Variants in ULK4 observed in about 807,000 individuals in gnomAD.
The protein encoded by ULK4 is unc-51 like kinase 4.
Under a neutral mutation model 160.6 loss-of-function variants are expected in ULK4, and 133 were observed. The ratio of observed to expected loss-of-function variants is 0.83; its 90% confidence interval spans 0.72 to 0.96. ULK4 has a LOEUF of 0.96. ULK4 is among the 40% of genes least tolerant of loss of function. The probability of loss-of-function intolerance (pLI) is 0.00; values close to 1 mark genes in which losing one functional copy is unlikely to be tolerated. For synonymous variants in ULK4, 534 were observed against 539.8 expected (o/e 0.99, Z 0.15); for missense variants, 1,580 against 1,499.5 (o/e 1.05, Z -0.89).
intron 32 of ULK4, among the ~76,000 whole-genome samples, chr3:41,495,314 A>T (rs1324615468): frequency 1.3e-5 from 2 of 152,078 alleles, no homozygotes; most frequent in Non-Finnish European, 2.9e-5. Context: ...CCTGACAAAA[A>T]CAAGCAATGG....
At chr3:41,443,149 A>C (rs57455522) in intron 34 of ULK4, among the ~76,000 whole-genome samples, 30,171 of 152,002 alleles carry the variant, frequency 0.2, 3,429 homozygotes, top group East Asian at 0.55. Flanking sequence ...ATTTATGCAG[A>C]TAAGTTCATT....
chr3:41,803,794 G>C (rs2125609316), intron 19 of ULK4, among the ~76,000 whole-genome samples: 1 of 152,190 alleles, frequency 6.6e-6, no homozygotes, highest in Admixed American at 6.5e-5. Flanking sequence ...TTTCATCCAT[G>C]TCCCTACAAA....
intron 32 of ULK4, among the ~76,000 whole-genome samples, chr3:41,463,586 C>T (rs182624562): frequency 1.1e-4 from 17 of 152,328 alleles, no homozygotes; most frequent in Admixed American, 9.2e-4. Flanking sequence ...CAACTGTCCC[C>T]AGATTCTTGT....
intron 21 of ULK4, among the ~76,000 whole-genome samples, chr3:41,771,988 T>C (rs1487219068): frequency 2.6e-5 from 4 of 152,146 alleles, no homozygotes; most frequent in Non-Finnish European, 5.9e-5. Flanking sequence ...CCTCCGTCTA[T>C]CCTCAGAAGC....
At chr3:41,276,382 C>T (rs2079228547) in intron 35 of ULK4, among the ~76,000 whole-genome samples, 1 of 152,178 alleles carries the variant, frequency 6.6e-6, no homozygotes, top group South Asian at 2.1e-4. Flanking sequence ...CTCAATTTGT[C>T]CCATGACTCA....
intron 17 of ULK4, among the ~76,000 whole-genome samples, chr3:41,851,406 CT>C (rs1187128121): frequency 3.9e-5 from 6 of 152,284 alleles, no homozygotes; most frequent in Non-Finnish European, 1.5e-5. Context: ...TTGAACCAGC[CT>C]TGCATCCCAG....
At chr3:41,298,697 C>CCTAAATATGCATATTTAGGGGAT (rs2079721878) in intron 35 of ULK4, among the ~76,000 whole-genome samples, 1 of 152,110 alleles carries the variant, frequency 6.6e-6, no homozygotes, top group Non-Finnish European at 1.5e-5. Flanking sequence ...TTTAGGGGAT[C>CCTAAATATGCATATTTAGGGGAT]CTCAAGTCAT....
intron 7 of ULK4, among the ~76,000 whole-genome samples, chr3:41,918,242 T>C (rs1799650): frequency 0.028 from 4,304 of 152,266 alleles, 81 homozygotes; most frequent in Non-Finnish European, 0.042. Flanking sequence ...AAATAGTTTT[T>C]AAATGAGGGA....
chr3:41,827,346 C>A (rs2041398000), intron 18 of ULK4, among the ~76,000 whole-genome samples: 1 of 151,716 alleles, frequency 6.6e-6, no homozygotes, highest in Non-Finnish European at 1.5e-5. Context: ...ACAAAAAACC[C>A]TTCAAAACAA....
In ULK4 at chr3:41,954,666, T is replaced by C. The variant is rs1257396530; in HGVS notation, c.94A>G (p.Ile32Val). ...CTTTTGCACTTATCAGTACAAAGAATGGCTACAAAATTGATTGTTCCCTTC... is the reference window on the plus strand; with the variant it reads ...CTTTTGCACTTATCAGTACAAAGAACGGCTACAAAATTGATTGTTCCCTTC... ...RRKGTINFVA[I>V]LCTDKCKRPE... Residue 32 changes from isoleucine to valine, a missense_variant, in exon 2 of 37, where the codon ATT (isoleucine) becomes GTT (valine). Transcript: ENST00000301831. The C allele has an allele frequency of 7.4e-6, 12 of 1,613,864 alleles. No homozygotes were observed. In the African/African-American group the frequency reaches 1.3e-4, roughly 18 times the overall value.
At chr3:41,301,307 A>C (rs1388674448) in intron 35 of ULK4, among the ~76,000 whole-genome samples, 1 of 150,086 alleles carries the variant, frequency 6.7e-6, no homozygotes, top group Non-Finnish European at 1.5e-5. Context: ...TTTAAAAGAA[A>C]TGCTATTCAA....
chr3:41,466,447 C>T (rs986525047), intron 32 of ULK4, among the ~76,000 whole-genome samples: 4 of 152,090 alleles, frequency 2.6e-5, no homozygotes, highest in African/African-American at 4.8e-5. Flanking sequence ...TAAGGAAAAA[C>T]TGAGTATCCA....
chr3:41,825,456 G>A (rs1365845582), intron 18 of ULK4, among the ~76,000 whole-genome samples: 3 of 152,210 alleles, frequency 2.0e-5, no homozygotes, highest in South Asian at 4.1e-4. Flanking sequence ...CCAATGCAGA[G>A]AAGTCCTTAA....
intron 32 of ULK4, among the ~76,000 whole-genome samples, chr3:41,520,223 C>T (rs2085887109): frequency 6.6e-6 from 1 of 152,106 alleles, no homozygotes; most frequent in African/African-American, 2.4e-5. Flanking sequence ...ATTCTCCCTC[C>T]CCCCAGCCCC....
intron 22 of ULK4, among the ~76,000 whole-genome samples, chr3:41,724,253 G>A (rs966233545): frequency 3.9e-5 from 6 of 152,092 alleles, no homozygotes. Context: ...TTAATGAATA[G>A]GGCTAAGCAT....
chr3:41,409,265 C>A (rs9837887), intron 34 of ULK4, among the ~76,000 whole-genome samples: 87,124 of 151,926 alleles, frequency 0.57, 26,500 homozygotes, highest in African/African-American at 0.8. Context: ...CAAAAAAATA[C>A]ATAAATAATG....
At chr3:41,705,002 A>C (rs1223795944) in intron 27 of ULK4, 55 bp downstream of exon 27, 2 of 1,425,316 alleles carry the variant, frequency 1.4e-6, no homozygotes, top group South Asian at 1.3e-5. Flanking sequence ...TCTTTATATA[A>C]GGAATTACCA....
intron 32 of ULK4, among the ~76,000 whole-genome samples, chr3:41,498,412 T>C (rs977827514): frequency 1.3e-5 from 2 of 151,994 alleles, no homozygotes; most frequent in Non-Finnish European, 2.9e-5. Flanking sequence ...ATACTGGAAA[T>C]GAAGAAAGCT....
intron 16 of ULK4, among the ~76,000 whole-genome samples, chr3:41,892,056 A>G (rs1697987851): frequency 6.6e-6 from 1 of 152,252 alleles, no homozygotes; most frequent in African/African-American, 2.4e-5. Flanking sequence ...CTCTTATTTG[A>G]AAAATAGAAA....
Sources: gnomAD v4.1 joint callset for allele counts (sites outside exome capture counted in the v4.1 genomes callset) on GRCh38, gnomAD v4.1.1 for gene constraint, MANE v1.5 for transcripts, NCBI Gene and HGNC (gene_info 2026-07-23, HGNC 2026-07-21) for gene names.